Variants in PPP1R42 observed in about 807,000 individuals in gnomAD.
PPP1R42 encodes the protein protein phosphatase 1 regulatory subunit 42, also known as leucine rich repeat containing 67.
PPP1R42 carries 34 observed loss-of-function variants against 31.0 expected under a neutral mutation model. That is an observed-to-expected ratio of 1.10 (90% CI 0.83 to 1.46). PPP1R42 has a LOEUF of 1.46. Ranked by LOEUF, PPP1R42 falls within the 40% of genes most tolerant of loss-of-function variation. The pLI is 0.00. For synonymous variants in PPP1R42, 103 were observed against 109.8 expected, an observed-to-expected ratio of 0.94 and a Z score of 0.39; for missense variants, 268 against 303.0, an observed-to-expected ratio of 0.88 and a Z score of 0.86.
rs561535107 is a variant in PPP1R42, at chr8:67,014,232, A to T, written c.296+194T>A. ...TGTTAATAATAGTAGGAGAAAATAG[A>T]AATTGAGGTCTGTTCCACAAAACCC... On this transcript the variant is annotated intron_variant, in intron 3 of 7. Transcript: ENST00000685739. 3.3e-5 allele frequency among the ~76,000 whole-genome samples: 5 copies of T among 152,328 alleles called. No homozygotes were observed. In the South Asian group the frequency reaches 8.3e-4, roughly 25 times the overall value.
chr8:66,983,096 T>A (rs1385909000), intron 6 of PPP1R42, among the ~76,000 whole-genome samples: 4 of 152,090 alleles, frequency 2.6e-5, no homozygotes, highest in Non-Finnish European at 5.9e-5. Flanking sequence ...ACAAATAATT[T>A]TTGCAAGTTG....
chr8:66,977,503 A>G lies in PPP1R42; in HGVS notation c.802+4546T>C, dbSNP rs116434126. ...CAGGTGTGTACTACCACACTGAGCT[A>G]ATTTTCTTTCTTTCTTTTTTTAGAT... is the stretch of plus-strand genomic sequence containing the variant. On this transcript the variant is annotated intron_variant, in intron 7 of 7. Transcript: ENST00000685739. Among the ~76,000 whole-genome samples the G allele has an allele frequency of 3.3e-3, 500 of 151,432 alleles. 1 individual carries two copies. Among genetic ancestry groups the G allele is most frequent in the African/African-American group, 0.011 (470 of 41,278 alleles).
In PPP1R42 at chr8:66,989,876, A is replaced by T. The variant is rs191454585; in HGVS notation, c.553-1359T>A. On this transcript the variant is annotated intron_variant, in intron 5 of 7. Transcript: ENST00000685739. ...TTAAGATTAGTTGCCATGGCATATA[A>T]AGTGCCTGGAACAAAGAAAGTAATA... is the stretch of plus-strand genomic sequence containing the variant. Among the ~76,000 whole-genome samples the T allele has an allele frequency of 7.2e-5, 11 of 152,310 alleles. No homozygotes were observed. In the East Asian group the frequency reaches 1.9e-3, roughly 27 times the overall value.
chr8:66,969,563 T>C (rs1246195201), intron 7 of PPP1R42, among the ~76,000 whole-genome samples: 3 of 152,162 alleles, frequency 2.0e-5, no homozygotes, highest in African/African-American at 7.2e-5. Context: ...ACCTTCTCTC[T>C]CCTAAGACTG....
chr8:67,004,577 C>G (rs1815613499), intron 5 of PPP1R42, among the ~76,000 whole-genome samples: 1 of 151,952 alleles, frequency 6.6e-6, no homozygotes, highest in Non-Finnish European at 1.5e-5. Context: ...TTTTTAATTT[C>G]TAAGTGCTCT....
intron 1 of PPP1R42, among the ~76,000 whole-genome samples, chr8:67,021,595 A>G (rs999213524): frequency 3.3e-5 from 5 of 152,210 alleles, no homozygotes; most frequent in African/African-American, 4.8e-5. Context: ...TAAGAATAGT[A>G]TAACACCTAT....
intron 1 of PPP1R42, among the ~76,000 whole-genome samples, chr8:67,022,715 T>C (rs191252975): frequency 6.6e-6 from 1 of 152,150 alleles, no homozygotes; most frequent in African/African-American, 2.4e-5. Context: ...AGATATTCAA[T>C]ATTTTTTTCC....
intron 7 of PPP1R42, among the ~76,000 whole-genome samples, chr8:66,977,658 A>T (rs867498154): frequency 6.6e-6 from 1 of 151,966 alleles, no homozygotes; most frequent in African/African-American, 2.4e-5. Flanking sequence ...GGTGTGCACC[A>T]CCATGCCCGG....
At chr8:66,981,628 G>C (rs1041045976) in intron 7 of PPP1R42, among the ~76,000 whole-genome samples, 2 of 151,966 alleles carry the variant, frequency 1.3e-5, no homozygotes, top group African/African-American at 4.8e-5. Flanking sequence ...TGATCCACCC[G>C]CCTCATCCTC....
chr8:67,026,027 T>C (rs1034289094), intron 1 of PPP1R42, among the ~76,000 whole-genome samples: 21 of 119,614 alleles, frequency 1.8e-4, no homozygotes, highest in Non-Finnish European at 3.5e-4. Flanking sequence ...AAAGAAAAAA[T>C]AAGAGCATAG....
At chr8:67,013,850 CA>C (rs1178876872) in intron 3 of PPP1R42, among the ~76,000 whole-genome samples, 1 of 152,202 alleles carries the variant, frequency 6.6e-6, no homozygotes, top group African/African-American at 2.4e-5. Context: ...CTTGTGTCCC[CA>C]TTCTGAGGCT....
At chr8:66,983,028 GGCTTCCCAAA>G (rs1171222843) in intron 6 of PPP1R42, among the ~76,000 whole-genome samples, 1 of 151,098 alleles carries the variant, frequency 6.6e-6, no homozygotes, top group Non-Finnish European at 1.5e-5. Flanking sequence ...AACGATCCTC[GGCTTCCCAAA>G]GCCCTGGGAT....
In PPP1R42 at chr8:67,026,365, G is replaced by A. The variant is rs148077895; in HGVS notation, c.-85+2126C>T. 2.9e-3 allele frequency among the ~76,000 whole-genome samples: 447 copies of A among 152,016 alleles called. 1 individual carries two copies. Among genetic ancestry groups the A allele is most frequent in the Non-Finnish European group, 4.0e-3 (270 of 67,936 alleles). On this transcript the variant is annotated intron_variant, in intron 1 of 7. Transcript: ENST00000685739. Reference sequence around the variant, plus strand: ...AAAAAAAAAAGAAAAAAGAAAATGTGACAAGGTAAAGGAGCTTGGGCTAGG... The same window carrying A: ...AAAAAAAAAAGAAAAAAGAAAATGTAACAAGGTAAAGGAGCTTGGGCTAGG...
intron 6 of PPP1R42, among the ~76,000 whole-genome samples, chr8:66,983,475 C>G (rs1036507544): frequency 2.0e-5 from 3 of 151,634 alleles, no homozygotes; most frequent in African/African-American, 7.3e-5. Context: ...AAATTTTTTT[C>G]TTTCTTTCCA....
rs1028086301 is a variant in PPP1R42, at chr8:66,964,378, T to A, written c.803-44A>T. Reference sequence around the variant, plus strand: ...AAAAAAAAGCATTAAATTAAAAAAATGAAAGTATCCCTAAAAGGTAGCAAA... The same window carrying A: ...AAAAAAAAGCATTAAATTAAAAAAAAGAAAGTATCCCTAAAAGGTAGCAAA... On this transcript the variant is annotated intron_variant, in intron 7 of 7. Coordinates refer to ENST00000685739, the MANE Select transcript of PPP1R42 (RefSeq NM_001364910.1). 8.4e-6 allele frequency: 9 copies of A among 1,074,646 alleles called. No homozygotes were observed. In the African/African-American group the frequency reaches 1.2e-4, roughly 14 times the overall value. The allele number at this position is 1,074,646 out of a possible 1,614,324, so 66.6% of individuals were successfully genotyped here. A position where few individuals can be genotyped will look rare whatever the true frequency, so the allele number is the denominator to read the frequency against.
At chr8:66,980,205 C>A (rs957517112) in intron 7 of PPP1R42, among the ~76,000 whole-genome samples, 1 of 152,058 alleles carries the variant, frequency 6.6e-6, no homozygotes, top group Non-Finnish European at 1.5e-5. Context: ...AAATCCCATT[C>A]TACTTAATGA....
intron 5 of PPP1R42, among the ~76,000 whole-genome samples, chr8:67,004,077 G>A (rs1458271131): frequency 1.3e-5 from 2 of 149,080 alleles, no homozygotes; most frequent in South Asian, 2.1e-4. Context: ...GTGACAGAGC[G>A]AGACTCCGTC....
chr8:67,025,327 G>A (rs545712745), intron 1 of PPP1R42, among the ~76,000 whole-genome samples: 1 of 148,644 alleles, frequency 6.7e-6, no homozygotes, highest in East Asian at 2.0e-4. Flanking sequence ...GCCTAGGCTG[G>A]TCTCAAACTC....
intron 4 of PPP1R42, 171 bp downstream of exon 4, chr8:67,012,785 GTC>G: frequency 2.1e-6 from 1 of 470,708 alleles, no homozygotes; most frequent in East Asian, 3.5e-5. Context: ...TAAATGCTGA[GTC>G]TCTGAGATTG....
Sources: allele counts gnomAD v4.1 joint callset (sites outside exome capture counted in the v4.1 genomes callset), GRCh38; gene constraint gnomAD v4.1.1; transcripts MANE v1.5; gene names NCBI Gene and HGNC (gene_info 2026-07-23, HGNC 2026-07-21).